The following ZNF268 variants were observed in gnomAD, a reference collection of about 807,000 sequenced individuals.
ZNF268 encodes zinc finger protein 3.
A neutral mutation model predicts 29.3 loss-of-function variants in ZNF268; 20 were observed. That is an observed-to-expected ratio of 0.68 (90% confidence interval 0.48 to 0.99). The LOEUF (loss-of-function observed/expected upper bound fraction) is 0.99. Among genes scored for constraint, ZNF268 ranks in the 50% least tolerant of loss-of-function variants. The probability of loss-of-function intolerance (pLI) is 0.00; values close to 1 mark genes in which losing one functional copy is unlikely to be tolerated. For missense variants in ZNF268, 1,240 were observed against 1,121.6 expected, an observed-to-expected ratio of 1.11 and a Z score of -1.51; for synonymous variants, 429 against 376.9, an observed-to-expected ratio of 1.14 and a Z score of -1.60.
At chr12:133,189,430 G>A (rs964090312) in intron 3 of ZNF268, among the ~76,000 whole-genome samples, 5 of 152,040 alleles carry the variant, frequency 3.3e-5, no homozygotes, top group African/African-American at 1.2e-4. Flanking sequence ...GGCCAGGCTG[G>A]TTTCAAACTC....
Position 133,195,910 on chromosome 12 carries a change from A to G in ZNF268, c.457+3907A>G, listed in dbSNP as rs144923343. ...TTTTTGTATTTTTAGACAGGGTTTCACCATGTTGATCAGGCTGGTCTCGAA... is the reference window on the plus strand; with the variant it reads ...TTTTTGTATTTTTAGACAGGGTTTCGCCATGTTGATCAGGCTGGTCTCGAA... On this transcript the variant is annotated intron_variant, in intron 5 of 5. Coordinates refer to ENST00000536435, the MANE Select transcript of ZNF268 (RefSeq NM_003415.3). Among the ~76,000 whole-genome samples, 605 of 150,346 alleles carry G rather than the reference A, an allele frequency of 4.0e-3. 8 individuals carry two copies. The highest frequency in any genetic ancestry group is 0.014 in the African/African-American group (585 of 40,996).
In ZNF268 at chr12:133,205,144, T is replaced by TAAAAAAAA. The variant is rs1223672116; in HGVS notation, c.*636_*643dup. On this transcript the variant is annotated 3_prime_UTR_variant, in exon 6 of 6. Coordinates refer to ENST00000536435, the MANE Select transcript of ZNF268 (RefSeq NM_003415.3). ...TAACCTCACCTTAGAAGCTTCATTC[T>TAAAAAAAA]AAAAAAAAAAAAAAAAAAAAAAAAA... 42 of 42,298 alleles carry TAAAAAAAA rather than the reference T, an allele frequency of 9.9e-4. 2 individuals are homozygous for TAAAAAAAA. Among genetic ancestry groups the TAAAAAAAA allele is most frequent in the Non-Finnish European group, 1.4e-3 (30 of 22,208 alleles). 2.6% of individuals were successfully genotyped at this position (42,298 alleles called of 1,614,324 possible). A position where few individuals can be genotyped will look rare whatever the true frequency, so the allele number is the denominator to read the frequency against.
chr12:133,183,519 G>T (rs888477620), intron 2 of ZNF268, among the ~76,000 whole-genome samples: 4 of 151,850 alleles, frequency 2.6e-5, no homozygotes, highest in African/African-American at 9.7e-5. Flanking sequence ...AAAAGGAGAG[G>T]AGGTAAAGAG....
Position 133,212,499 on chromosome 12 carries a change from G to GTA in ZNF268, c.*7976_*7977dup, listed in dbSNP as rs1231250765. 0.036 allele frequency: 433 copies of GTA among 11,928 alleles called. 11 individuals are homozygous for GTA. The highest frequency in any genetic ancestry group is 0.15 in the African/African-American group (400 of 2,750). The allele number at this position is 11,928 out of a possible 1,614,324, so 0.7% of individuals were successfully genotyped here. ...TATATATATATATATATATATATAT[G>GTA]TATATATACACACACACATACACAC... is the stretch of plus-strand genomic sequence containing the variant. On this transcript the variant is annotated 3_prime_UTR_variant, in exon 6 of 6. Transcript: ENST00000536435.
chr12:133,186,760 T>C (rs1251282412), intron 2 of ZNF268, among the ~76,000 whole-genome samples: 1 of 152,160 alleles, frequency 6.6e-6, no homozygotes, highest in Non-Finnish European at 1.5e-5. Context: ...GAACAAACTA[T>C]TGATATGTGC....
rs966515475 is a variant in ZNF268 at position 133,206,196 on chromosome 12, T to G, written c.*1666T>G. On this transcript the variant is annotated 3_prime_UTR_variant, in exon 6 of 6. Coordinates refer to ENST00000536435, the MANE Select transcript of ZNF268 (RefSeq NM_003415.3). ...GGATATGTGGATATTTGGAAATGGT[T>G]GTTTCCCAAGACAGGATGGAAGTCT... The G allele has an allele frequency of 1.3e-5, 2 of 152,166 alleles. No homozygotes were observed. The highest frequency in any genetic ancestry group is 2.9e-5 in the Non-Finnish European group (2 of 68,026). 9.4% of individuals were successfully genotyped at this position (152,166 alleles called of 1,614,324 possible).
At chr12:133,197,996 C>G (rs1002975573) in intron 5 of ZNF268, among the ~76,000 whole-genome samples, 1 of 152,048 alleles carries the variant, frequency 6.6e-6, no homozygotes, top group African/African-American at 2.4e-5. Flanking sequence ...CCTGTTCACT[C>G]TGATGGTAGT....
At position 133,214,122 on chromosome 12, in the gene ZNF268, A is replaced by G. The variant is rs1957023777; in HGVS notation, c.*9592A>G. The G allele has an allele frequency of 6.6e-6, 1 of 152,260 alleles. No individual in the cohort carries two copies. Among genetic ancestry groups the G allele is most frequent in the Non-Finnish European group, 1.5e-5 (1 of 68,056 alleles). 9.4% of individuals were successfully genotyped at this position (152,260 alleles called of 1,614,324 possible). On this transcript the variant is annotated 3_prime_UTR_variant, in exon 6 of 6. Coordinates refer to ENST00000536435, the MANE Select transcript of ZNF268 (RefSeq NM_003415.3). ...GACAACCCAATATCAAAATGGGCAG[A>G]GGACTTGAAGAGACTTTTCTGTAAA...
Position 133,204,126 on chromosome 12 carries a change from G to A in ZNF268, c.2440G>A (p.Gly814Arg). The change falls in exon 6 of 6, where the codon GGG (glycine) becomes AGG (arginine). Residue 814 changes from glycine to arginine, a missense_variant. Gly to Arg is a moderately radical substitution (Grantham distance 125). Around this residue, in one of 3 missense-constraint regions of ZNF268, gnomAD observed 1,177 missense variants for 1,039.6 expected, o/e 1.13. Coordinates refer to ENST00000536435, the MANE Select transcript of ZNF268 (RefSeq NM_003415.3). ...GEKPYECNEC[G>R]KAFIWKSLLI... ...AAAACCATATGAATGTAATGAATGTGGGAAAGCCTTCATTTGGAAATCACT... is the reference window on the plus strand; with the variant it reads ...AAAACCATATGAATGTAATGAATGTAGGAAAGCCTTCATTTGGAAATCACT... 6.5e-7 allele frequency: 1 copy of A among 1,544,640 alleles called. No individual in the cohort carries two copies. The highest frequency in any genetic ancestry group is 8.7e-7 in the Non-Finnish European group (1 of 1,147,712).
intron 5 of ZNF268, among the ~76,000 whole-genome samples, chr12:133,194,064 G>A (rs191968683): frequency 6.6e-6 from 1 of 152,160 alleles, no homozygotes; most frequent in African/African-American, 2.4e-5. Flanking sequence ...AACCCTCATC[G>A]TCTCAATTCC....
chr12:133,212,207 AG>A lies in ZNF268; in HGVS notation c.*7680del, dbSNP rs1956991825. 6.6e-6 allele frequency: 1 copy of A among 152,098 alleles called. No homozygotes were observed. The highest frequency in any genetic ancestry group is 1.5e-5 in the Non-Finnish European group (1 of 68,044). The allele number at this position is 152,098 out of a possible 1,614,324, so 9.4% of individuals were successfully genotyped here. ...ATCTGTGATTGATGACGGTTTGTAG[AG>A]GGCAGGGAGTGAGTTAAATAGGAGG... On this transcript the variant is annotated 3_prime_UTR_variant, in exon 6 of 6. Transcript: ENST00000536435.
intron 5 of ZNF268, among the ~76,000 whole-genome samples, chr12:133,200,731 C>G (rs1000220063): frequency 2.0e-5 from 3 of 151,978 alleles, no homozygotes; most frequent in Non-Finnish European, 2.9e-5. Context: ...GTTTGCCTAC[C>G]CTGTGCCGAT....
rs1957011513 is a variant in ZNF268 at position 133,213,215 on chromosome 12, A to G, written c.*8685A>G. On this transcript the variant is annotated 3_prime_UTR_variant, in exon 6 of 6. Coordinates refer to ENST00000536435, the MANE Select transcript of ZNF268 (RefSeq NM_003415.3). ...GAAATGGTATCTCATTGTGGTTTTG[A>G]TTTTCCTTTACCTAATGGCTAGTGA... is the stretch of plus-strand genomic sequence containing the variant. 2 of 152,046 alleles carry G rather than the reference A, an allele frequency of 1.3e-5. No individual in the cohort carries two copies. 9.4% of individuals were successfully genotyped at this position (152,046 alleles called of 1,614,324 possible). A position where few individuals can be genotyped will look rare whatever the true frequency, so the allele number is the denominator to read the frequency against.
chr12:133,187,778 C>T lies in ZNF268; in HGVS notation c.34-94C>T, dbSNP rs148894371. The T allele has an allele frequency of 4.6e-4, 571 of 1,233,672 alleles. 3 individuals carry two copies. The African/African-American group carries it at 7.4e-3, about 16-fold the overall frequency. 76.4% of individuals were successfully genotyped at this position (1,233,672 alleles called of 1,614,324 possible). ...AAGTTAAACCTGCCTTGTTTTCTAACGTGTTTCTCTCACATTTATGTGATG... is the reference window on the plus strand; with the variant it reads ...AAGTTAAACCTGCCTTGTTTTCTAATGTGTTTCTCTCACATTTATGTGATG... On this transcript the variant is annotated intron_variant, in intron 2 of 5. Coordinates refer to ENST00000536435, the MANE Select transcript of ZNF268 (RefSeq NM_003415.3).
intron 2 of ZNF268, chr12:133,184,698 C>G (rs1031671038): frequency 2.2e-6 from 1 of 451,616 alleles, no homozygotes; most frequent in African/African-American, 2.0e-5. Context: ...CTCACCACAA[C>G]GTCTGCTTCC....
At chr12:133,188,556 T>A (rs1362527271) in intron 3 of ZNF268, among the ~76,000 whole-genome samples, 1 of 152,166 alleles carries the variant, frequency 6.6e-6, no homozygotes, top group Non-Finnish European at 1.5e-5. Flanking sequence ...ATTTATATAT[T>A]CTCTTATTTC....
rs1956910256 is a variant in ZNF268, at chr12:133,207,026, T to C, written c.*2496T>C. The C allele has an allele frequency of 6.6e-6, 1 of 152,234 alleles. No individual in the cohort carries two copies. Among genetic ancestry groups the C allele is most frequent in the Admixed American group, 6.5e-5 (1 of 15,278 alleles). The allele number at this position is 152,234 out of a possible 1,614,324, so 9.4% of individuals were successfully genotyped here. On this transcript the variant is annotated 3_prime_UTR_variant, in exon 6 of 6. Transcript: ENST00000536435. ...TAGAAGCCAGAAGTGTTGACAGTAT[T>C]GAGGACAGCACTCACATACTGTGGG...
rs1271466937 is a variant in ZNF268 at position 133,204,094 on chromosome 12, C to T, written c.2408C>T (p.Ser803Leu). Residue 803 changes from serine to leucine, a missense_variant, in exon 6 of 6, where the codon TCA becomes TTA. Coordinates refer to ENST00000536435, the MANE Select transcript of ZNF268 (RefSeq NM_003415.3). ...CTAATTATACACATGAGAACTCATT[C>T]AGGTGAAAAACCATATGAATGTAAT... ...SYLIIHMRTH[S>L]GEKPYECNEC... 6.5e-7 allele frequency: 1 copy of T among 1,548,486 alleles called. No homozygotes were observed. Among genetic ancestry groups the T allele is most frequent in the African/African-American group, 1.4e-5 (1 of 73,190 alleles).
chr12:133,181,800 G>T, intron 1 of ZNF268, 114 bp downstream of exon 1: 1 of 614,290 alleles, frequency 1.6e-6, no homozygotes, highest in Non-Finnish European at 2.9e-6. Context: ...GTGTTGGTGA[G>T]GGTGTGGAGA....
Sources: gnomAD v4.1 joint callset for allele counts (sites outside exome capture counted in the v4.1 genomes callset) on GRCh38, gnomAD v4.1.1 for gene constraint, gnomAD v4.1.1 regional missense constraint, MANE v1.5 for transcripts, NCBI Gene and HGNC (gene_info 2026-07-23, HGNC 2026-07-21) for gene names.